Variants in SBF2 observed in about 807,000 individuals in gnomAD.
SBF2 encodes SET binding factor 2, also known as myotubularin-related protein 13.
SBF2 carries 112 observed loss-of-function variants against 225.2 expected under a neutral mutation model. The ratio of observed to expected loss-of-function variants is 0.50; its 90% CI spans 0.43 to 0.58. The LOEUF is 0.58. Among genes scored for constraint, SBF2 ranks in the 20% least tolerant of loss-of-function variants. SBF2 has a pLI of 0.00. For synonymous variants in SBF2, 763 were observed against 773.3 expected, an observed-to-expected ratio of 0.99 and a Z score of 0.22; for missense variants, 1,996 against 2,206.2, an observed-to-expected ratio of 0.90 and a Z score of 1.91.
chr11:9,885,264 A>C (rs1417444406), intron 17 of SBF2, among the ~76,000 whole-genome samples: 6 of 150,042 alleles, frequency 4.0e-5, no homozygotes, highest in South Asian at 2.1e-4. Flanking sequence ...AAAAAAAAAA[A>C]AAAAAAAAAA....
At position 9,789,356 on chromosome 11, in the gene SBF2, C is replaced by G. The variant is rs945573981; in HGVS notation, c.4699-14G>C. ...GGGCTTTAGAGCCTGTTAAAGAAAACAGAAATATAGTTTCATCTTGACCCC... is the reference window on the plus strand; with the variant it reads ...GGGCTTTAGAGCCTGTTAAAGAAAAGAGAAATATAGTTTCATCTTGACCCC... On this transcript the variant is annotated splice_polypyrimidine_tract_variant and intron_variant, in intron 34 of 39. Transcript: ENST00000256190. 5 of 1,599,490 alleles carry G rather than the reference C, an allele frequency of 3.1e-6. No homozygotes were observed. The Admixed American group carries it at 6.7e-5, about 21-fold the overall frequency.
chr11:9,936,956 G>A (rs1864942213), intron 16 of SBF2, among the ~76,000 whole-genome samples: 1 of 152,074 alleles, frequency 6.6e-6, no homozygotes, highest in Non-Finnish European at 1.5e-5. Flanking sequence ...ATTAATCACT[G>A]TCAATGACCT....
intron 2 of SBF2, among the ~76,000 whole-genome samples, chr11:10,058,027 T>G (rs1030357107): frequency 1.3e-5 from 2 of 151,878 alleles, no homozygotes; most frequent in Non-Finnish European, 2.9e-5. Flanking sequence ...CAATCTACAC[T>G]GCAATTAAAG....
At chr11:10,214,566 T>G (rs1012157350) in intron 1 of SBF2, among the ~76,000 whole-genome samples, 3 of 152,272 alleles carry the variant, frequency 2.0e-5, no homozygotes, top group Non-Finnish European at 4.4e-5. Context: ...GAGGTTGCAG[T>G]GAGCCAAGAT....
At chr11:10,113,659 A>C (rs1451006951) in intron 2 of SBF2, among the ~76,000 whole-genome samples, 1 of 152,174 alleles carries the variant, frequency 6.6e-6, no homozygotes, top group Non-Finnish European at 1.5e-5. Context: ...GGAAAGTGAA[A>C]CATACATTAG....
chr11:9,993,229 A>T (rs1347254243), intron 10 of SBF2, 126 bp from the exon 11 acceptor site: 2 of 682,116 alleles, frequency 2.9e-6, no homozygotes, highest in African/African-American at 3.6e-5. Context: ...AAACAATTAC[A>T]GTCACAACCA....
Position 9,803,578 on chromosome 11 carries a change from T to C in SBF2, c.4443+4422A>G, listed in dbSNP as rs116135755. 7.7e-3 allele frequency among the ~76,000 whole-genome samples: 1,166 copies of C among 152,332 alleles called. 13 individuals carry two copies. Among genetic ancestry groups the C allele is most frequent in the African/African-American group, 0.026 (1,099 of 41,564 alleles). ...TCCCATCTTTGAGGACAGTGTATCTTACATGAGAACCTCCTATCTCTTACT... is the reference window on the plus strand; with the variant it reads ...TCCCATCTTTGAGGACAGTGTATCTCACATGAGAACCTCCTATCTCTTACT... On this transcript the variant is annotated intron_variant, in intron 32 of 39. Coordinates refer to ENST00000256190, the MANE Select transcript of SBF2 (RefSeq NM_030962.4).
chr11:10,186,064 A>T (rs1307805532), intron 2 of SBF2, among the ~76,000 whole-genome samples: 1 of 152,240 alleles, frequency 6.6e-6, no homozygotes, highest in African/African-American at 2.4e-5. Context: ...TTAATCTTCC[A>T]GGCTATTTGT....
rs1857114782 is a variant in SBF2 at position 9,853,586 on chromosome 11, A to G, written c.2490T>C (p.Ser830=). 6.2e-7 allele frequency: 1 copy of G among 1,613,842 alleles called. No homozygotes were observed. Among genetic ancestry groups the G allele is most frequent in the Non-Finnish European group, 8.5e-7 (1 of 1,179,924 alleles). ...TRFIDKVCTE[S]GVTQDHIKSL... is the part of the protein sequence containing the mutation. ...TCTTGATGTGATCCTGAGTAACTCCACTCTCTGTACAAACTTTGTCAATAA... is the reference window on the plus strand; with the variant it reads ...TCTTGATGTGATCCTGAGTAACTCCGCTCTCTGTACAAACTTTGTCAATAA... Residue 830 remains serine (S), a synonymous_variant, in exon 20 of 40, where the codon AGT becomes AGC. Coordinates refer to ENST00000256190, the MANE Select transcript of SBF2 (RefSeq NM_030962.4).
chr11:10,063,858 C>CAGAGAGAGAGAGAGAGAGAGAGAG (rs1555006975), intron 2 of SBF2, among the ~76,000 whole-genome samples: 5 of 136,170 alleles, frequency 3.7e-5, no homozygotes, highest in African/African-American at 5.4e-5. Flanking sequence ...CACACACACA[C>CAGAGAGAGAGAGAGAGAGAGAGAG]AGAGAGAGAG....
intron 26 of SBF2, among the ~76,000 whole-genome samples, chr11:9,837,232 A>G (rs1315572301): frequency 6.6e-6 from 1 of 152,174 alleles, no homozygotes; most frequent in South Asian, 2.1e-4. Flanking sequence ...GATTTTTAAG[A>G]CAGAAGATTA....
At chr11:10,262,951 C>T (rs746283228) in intron 1 of SBF2, among the ~76,000 whole-genome samples, 7 of 148,224 alleles carry the variant, frequency 4.7e-5, no homozygotes, top group Admixed American at 1.3e-4. Context: ...CCATATAAGA[C>T]GAAAAAAAAA....
chr11:9,886,376 T>A (rs2134102594), intron 17 of SBF2, among the ~76,000 whole-genome samples: 1 of 152,282 alleles, frequency 6.6e-6, no homozygotes, highest in South Asian at 2.1e-4. Context: ...TGACCTCTAT[T>A]CTTTTTTTTC....
At chr11:9,870,264 A>C (rs1236215816) in intron 17 of SBF2, among the ~76,000 whole-genome samples, 1 of 152,218 alleles carries the variant, frequency 6.6e-6, no homozygotes, top group Non-Finnish European at 1.5e-5. Flanking sequence ...AGTATTGTGA[A>C]AATGGCCATA....
intron 14 of SBF2, among the ~76,000 whole-genome samples, chr11:9,967,207 T>C (rs1412334782): frequency 1.3e-5 from 2 of 151,860 alleles, no homozygotes; most frequent in Admixed American, 6.5e-5. Context: ...CCGTCTCTAC[T>C]AAAAATACAA....
intron 2 of SBF2, among the ~76,000 whole-genome samples, chr11:10,189,513 C>T (rs1957074151): frequency 6.6e-6 from 1 of 152,196 alleles, no homozygotes; most frequent in Non-Finnish European, 1.5e-5. Flanking sequence ...ATTAAAGCTA[C>T]TTTTCCTATG....
chr11:10,302,251 G>GA (rs1253549454), intron 1 of SBF2, among the ~76,000 whole-genome samples: 3 of 152,126 alleles, frequency 2.0e-5, no homozygotes, highest in Non-Finnish European at 4.4e-5. Flanking sequence ...GATTTCACGA[G>GA]AAAAAACATA....
intron 30 of SBF2, among the ~76,000 whole-genome samples, chr11:9,809,442 CAG>C (rs1854047140): frequency 6.6e-6 from 1 of 152,028 alleles, no homozygotes; most frequent in Admixed American, 6.6e-5. Flanking sequence ...GTACAAAAAA[CAG>C]AGATTCTATG....
rs1002195794 is a variant in SBF2, at chr11:10,303,858, A to C, written n.386+634T>G. ...GAAGTAAGAAAGAGAAGAAGCTGTG[A>C]TGAAAGAGCACAAACGGGTGACAAA... On this transcript the variant is annotated intron_variant and non_coding_transcript_variant, in intron 1 of 5. Transcript: ENST00000685217. The surrounding 1 kb of genome is among the most constrained non-coding windows in gnomAD (Gnocchi z 5.2). Among the ~76,000 whole-genome samples, 2 of 152,206 alleles carry C rather than the reference A, an allele frequency of 1.3e-5. No individual in the cohort carries two copies. Among genetic ancestry groups the C allele is most frequent in the Non-Finnish European group, 2.9e-5 (2 of 68,038 alleles).
Sources: allele counts gnomAD v4.1 joint callset (sites outside exome capture counted in the v4.1 genomes callset), GRCh38; gene constraint gnomAD v4.1.1; non-coding constraint Gnocchi (gnomAD v3.1); transcripts MANE v1.5; gene names NCBI Gene and HGNC (gene_info 2026-07-23, HGNC 2026-07-21).